ELMO1: variants seen among roughly 807,000 people sequenced by gnomAD.
ELMO1 encodes engulfment and cell motility protein 1.
ELMO1 carries 26 observed loss-of-function variants against 98.9 expected under a neutral mutation model. The ratio of observed to expected loss-of-function variants is 0.26; its 90% CI spans 0.19 to 0.36. ELMO1 has a LOEUF of 0.36. Among genes scored for constraint, ELMO1 ranks in the 10% least tolerant of loss-of-function variants. The pLI, the probability that ELMO1 is intolerant of heterozygous loss-of-function variation, is 1.00. For missense variants in ELMO1, 627 were observed against 935.2 expected (o/e 0.67, Z 4.30); for synonymous variants, 346 against 346.0 (o/e 1.00, Z 0.00).
At chr7:36,893,701 C>T (rs1805752812) in intron 17 of ELMO1, among the ~76,000 whole-genome samples, 1 of 152,104 alleles carries the variant, frequency 6.6e-6, no homozygotes, top group Non-Finnish European at 1.5e-5. Context: ...TCAGTAGACT[C>T]GAGGCTCAGT....
chr7:37,076,173 C>G (rs1797569528), intron 15 of ELMO1, among the ~76,000 whole-genome samples: 1 of 152,166 alleles, frequency 6.6e-6, no homozygotes. Context: ...TTCGTTACCC[C>G]CTGATGAGTC....
intron 1 of ELMO1, among the ~76,000 whole-genome samples, chr7:37,403,740 C>T (rs1803630417): frequency 6.6e-6 from 1 of 152,012 alleles, no homozygotes; most frequent in Non-Finnish European, 1.5e-5. Flanking sequence ...AGATGGGGGT[C>T]TCACTATGTT....
intron 13 of ELMO1, among the ~76,000 whole-genome samples, chr7:37,143,492 C>T (rs752061390): frequency 4.8e-5 from 7 of 146,362 alleles, no homozygotes; most frequent in African/African-American, 1.0e-4. Context: ...CTGCAACCTC[C>T]GCCTCCCAGG....
chr7:37,238,615 T>C (rs553048064), intron 7 of ELMO1, among the ~76,000 whole-genome samples: 9 of 152,268 alleles, frequency 5.9e-5, no homozygotes, highest in African/African-American at 2.2e-4. Context: ...AAAGCAAACA[T>C]ATTTGCCTTA....
At chr7:37,420,006 T>A (rs918183737) in intron 1 of ELMO1, among the ~76,000 whole-genome samples, 12 of 152,240 alleles carry the variant, frequency 7.9e-5, no homozygotes, top group African/African-American at 2.7e-4. Flanking sequence ...CATGGTGATA[T>A]AATTCAACCA....
intron 13 of ELMO1, among the ~76,000 whole-genome samples, chr7:37,151,509 A>G (rs536685992): frequency 6.6e-6 from 1 of 152,300 alleles, no homozygotes; most frequent in Non-Finnish European, 1.5e-5. Context: ...GTAAATATTC[A>G]GGGTAAACAT....
chr7:37,152,606 C>G (rs374341194), intron 13 of ELMO1, among the ~76,000 whole-genome samples: 2 of 152,026 alleles, frequency 1.3e-5, no homozygotes, highest in Non-Finnish European at 2.9e-5. Flanking sequence ...TGTATACACA[C>G]GATCGTAAAA....
intron 16 of ELMO1, among the ~76,000 whole-genome samples, chr7:36,906,348 A>G (rs1445014004): frequency 1.3e-5 from 2 of 152,250 alleles, no homozygotes. Flanking sequence ...TCATATTTTA[A>G]GTGGCCCATT....
intron 2 of ELMO1, among the ~76,000 whole-genome samples, chr7:37,316,514 C>T (rs961813306): frequency 2.0e-5 from 3 of 152,198 alleles, no homozygotes; most frequent in Non-Finnish European, 4.4e-5. Flanking sequence ...CAGACACACT[C>T]CAGTAATGCG....
chr7:36,964,380 A>C (rs991992526), intron 16 of ELMO1, among the ~76,000 whole-genome samples: 1 of 152,224 alleles, frequency 6.6e-6, no homozygotes, highest in Non-Finnish European at 1.5e-5. Context: ...ATATTTTATA[A>C]TAAAGGGTTA....
At chr7:37,073,598 G>GTT (rs34185775) in intron 15 of ELMO1, among the ~76,000 whole-genome samples, 3 of 145,648 alleles carry the variant, frequency 2.1e-5, no homozygotes, top group African/African-American at 7.6e-5. Flanking sequence ...GTGTGTGCAT[G>GTT]TTTTTTTTTT....
chr7:37,173,233 T>C (rs2041854), intron 13 of ELMO1, among the ~76,000 whole-genome samples: 139,536 of 152,244 alleles, frequency 0.92, 64,331 homozygotes, highest in Non-Finnish European at 0.97. Flanking sequence ...TGTGATATCC[T>C]GTATTCTCTG....
chr7:37,068,863 C>T (rs1223201259), intron 15 of ELMO1, among the ~76,000 whole-genome samples: 1 of 152,048 alleles, frequency 6.6e-6, no homozygotes, highest in Non-Finnish European at 1.5e-5. Context: ...TGAGATGGTC[C>T]CCCAAATTAT....
intron 1 of ELMO1, among the ~76,000 whole-genome samples, chr7:37,416,245 A>G (rs554980734): frequency 6.6e-6 from 1 of 152,364 alleles, no homozygotes; most frequent in African/African-American, 2.4e-5. Context: ...TGACAATACG[A>G]AGTTCACAAA....
rs1222305353 is a variant in ELMO1 at position 37,394,485 on chromosome 7, A to G, written c.-73-51722T>C. Among the ~76,000 whole-genome samples, 5 of 152,310 alleles carry G rather than the reference A, an allele frequency of 3.3e-5. No individual in the cohort carries two copies. In the South Asian group the frequency reaches 8.3e-4, roughly 25 times the overall value. On this transcript the variant is annotated intron_variant, in intron 1 of 21. Coordinates refer to ENST00000310758, the MANE Select transcript of ELMO1 (RefSeq NM_014800.11). ...GAAGGGTTGGAAGCCAAGTGCCAAG[A>G]TCATGAAGACATTCTTACAACAACC...
chr7:36,876,857 C>T (rs997465124), intron 19 of ELMO1, among the ~76,000 whole-genome samples: 5 of 152,182 alleles, frequency 3.3e-5, no homozygotes, highest in Non-Finnish European at 7.3e-5. Context: ...TAACCCCTGA[C>T]TTAGGGAGCC....
intron 2 of ELMO1, among the ~76,000 whole-genome samples, chr7:37,327,430 A>G (rs1799877031): frequency 6.6e-6 from 1 of 152,214 alleles, no homozygotes; most frequent in African/African-American, 2.4e-5. Flanking sequence ...AGTAGATATG[A>G]GAAAGCCAAT....
chr7:37,295,362 G>A (rs1797979580), intron 4 of ELMO1, among the ~76,000 whole-genome samples: 1 of 152,090 alleles, frequency 6.6e-6, no homozygotes, highest in Non-Finnish European at 1.5e-5. Context: ...ATCATTTTTT[G>A]TAGTTTTTTG....
chr7:37,179,438 C>A (rs529977986), intron 13 of ELMO1, among the ~76,000 whole-genome samples: 193 of 152,072 alleles, frequency 1.3e-3, no homozygotes, highest in African/African-American at 4.5e-3. Context: ...CCACCACGAC[C>A]GGCTAATTTT....
Sources: allele counts gnomAD v4.1 joint callset (sites outside exome capture counted in the v4.1 genomes callset), GRCh38; gene constraint gnomAD v4.1.1; transcripts MANE v1.5; gene names NCBI Gene and HGNC (gene_info 2026-07-23, HGNC 2026-07-21).